The following HIRA variants were observed in gnomAD, a reference collection of about 807,000 sequenced individuals.
The protein encoded by HIRA is histone cell cycle regulator.
A neutral mutation model predicts 126.6 loss-of-function variants in HIRA; 13 were observed. The ratio of observed to expected loss-of-function variants is 0.10; its 90% CI spans 0.07 to 0.16. The LOEUF is 0.16. Ranked by LOEUF, HIRA falls within the 10% of genes least tolerant of loss-of-function variation. HIRA has a pLI of 1.00. For missense variants in HIRA, 834 were observed against 1,314.4 expected (o/e 0.63, Z 5.65); for synonymous variants, 511 against 520.0 (o/e 0.98, Z 0.24).
chr22:19,359,905 T>C (rs79839027), intron 17 of HIRA, among the ~76,000 whole-genome samples: 1 of 152,066 alleles, frequency 6.6e-6, no homozygotes, highest in Non-Finnish European at 1.5e-5. Flanking sequence ...TGGCAGTGTT[T>C]GGCAAGATTA....
Position 19,406,766 on chromosome 22 carries a change from C to T in HIRA, c.302+418G>A, listed in dbSNP as rs142810232. Among the ~76,000 whole-genome samples the T allele has an allele frequency of 5.2e-3, 785 of 152,252 alleles. 3 individuals carry two copies. Among genetic ancestry groups the T allele is most frequent in the Non-Finnish European group, 7.4e-3 (504 of 68,010 alleles). On this transcript the variant is annotated intron_variant, in intron 4 of 24. Coordinates refer to ENST00000263208, the MANE Select transcript of HIRA (RefSeq NM_003325.4). The stretch of plus-strand genomic sequence containing the variant: ...CTTTTGAGAGTAGAGCAGAGGCTGC[C>T]CCAGGTGGGGACCAACAGAGAATAA...
At chr22:19,409,319 T>C (rs943579045) in intron 2 of HIRA, among the ~76,000 whole-genome samples, 2 of 151,674 alleles carry the variant, frequency 1.3e-5, no homozygotes, top group Admixed American at 6.5e-5. Flanking sequence ...AGTCTCACTC[T>C]GTCTCCCAGG....
intron 14 of HIRA, among the ~76,000 whole-genome samples, 171 bp from the exon 15 acceptor site, chr22:19,375,963 G>T (rs1255482797): frequency 6.6e-6 from 1 of 152,122 alleles, no homozygotes. Flanking sequence ...ATTTTCATGT[G>T]TCAAAATTAT....
intron 10 of HIRA, 107 bp downstream of exon 10, chr22:19,388,377 G>T: frequency 1.2e-6 from 1 of 801,750 alleles, no homozygotes; most frequent in East Asian, 2.6e-5. Flanking sequence ...ATGACACCTG[G>T]GGAGGGGCCA....
At position 19,402,372 on chromosome 22, in the gene HIRA, T is replaced by C. The variant is rs370049787; in HGVS notation, c.397+3414A>G. The stretch of plus-strand genomic sequence containing the variant: ...CTTAAAACGTTTGTGATTTAAGTCT[T>C]ACAAAACTAATTCATTTCTTGGTAA... On this transcript the variant is annotated intron_variant, in intron 5 of 24. Transcript: ENST00000263208. Among the ~76,000 whole-genome samples the C allele has an allele frequency of 6.6e-5, 10 of 152,364 alleles. No homozygotes were observed. In the East Asian group the frequency reaches 1.3e-3, roughly 21 times the overall value.
chr22:19,422,988 G>A (rs890511453), intron 1 of HIRA, among the ~76,000 whole-genome samples: 1 of 152,116 alleles, frequency 6.6e-6, no homozygotes, highest in Non-Finnish European at 1.5e-5. Context: ...ACTCCCAGCA[G>A]GGCTGGCTGC....
intron 11 of HIRA, among the ~76,000 whole-genome samples, chr22:19,386,800 G>A (rs1234543530): frequency 6.6e-6 from 1 of 152,222 alleles, no homozygotes; most frequent in East Asian, 1.9e-4. Context: ...GGTTGGAGGA[G>A]GACCTGAGGC....
At chr22:19,340,104 T>C (rs180805578) in intron 24 of HIRA, among the ~76,000 whole-genome samples, 25 of 152,232 alleles carry the variant, frequency 1.6e-4, no homozygotes, top group Admixed American at 5.2e-4. Flanking sequence ...CTGGTGAACA[T>C]AGATGCAAAA....
At chr22:19,332,033 C>T (rs1395703907) in intron 24 of HIRA, among the ~76,000 whole-genome samples, 1 of 152,220 alleles carries the variant, frequency 6.6e-6, no homozygotes, top group African/African-American at 2.4e-5. Context: ...CCAGTATCCC[C>T]TGATGTGGAG....
intron 3 of HIRA, among the ~76,000 whole-genome samples, chr22:19,407,480 A>G (rs956375503): frequency 3.9e-5 from 6 of 152,240 alleles, no homozygotes; most frequent in Non-Finnish European, 8.8e-5. Context: ...AACAGTCTGG[A>G]GGGGGAAAAA....
In HIRA at chr22:19,387,704, A is replaced by G. The variant is rs1360267100; in HGVS notation, c.1113+7T>C. On this transcript the variant is annotated splice_region_variant and intron_variant, in intron 11 of 24. Coordinates refer to ENST00000263208, the MANE Select transcript of HIRA (RefSeq NM_003325.4). The stretch of plus-strand genomic sequence containing the variant: ...AGCACCCAGCAGCACAAGAGCCGTC[A>G]GCCTACCTTCTCCTCCTCGCTCAGG... The G allele has an allele frequency of 1.9e-6, 3 of 1,612,060 alleles. No homozygotes were observed. Among genetic ancestry groups the G allele is most frequent in the Non-Finnish European group, 2.5e-6 (3 of 1,178,660 alleles).
chr22:19,412,768 C>T (rs574250815), intron 1 of HIRA, among the ~76,000 whole-genome samples: 1 of 152,316 alleles, frequency 6.6e-6, no homozygotes, highest in South Asian at 2.1e-4. Context: ...ACAGCCCATG[C>T]GCTTTAGATC....
At chr22:19,405,258 G>T (rs1283067115) in intron 5 of HIRA, among the ~76,000 whole-genome samples, 1 of 152,198 alleles carries the variant, frequency 6.6e-6, no homozygotes, top group Non-Finnish European at 1.5e-5. Context: ...CCTAAGTCAA[G>T]TCTAAATTGC....
intron 21 of HIRA, among the ~76,000 whole-genome samples, chr22:19,355,540 C>G (rs1298035114): frequency 1.3e-5 from 2 of 152,188 alleles, no homozygotes; most frequent in Non-Finnish European, 2.9e-5. Context: ...TGCAGGAGGA[C>G]AGTGCTCCTG....
rs782042168 is a variant in HIRA, at chr22:19,349,431, T to C, written c.2937+1927A>G. 4.6e-5 allele frequency among the ~76,000 whole-genome samples: 7 copies of C among 152,092 alleles called. 1 individual carries two copies. Among genetic ancestry groups the C allele is most frequent in the Non-Finnish European group, 1.0e-4 (7 of 68,018 alleles). ...CAGCTGATTTTAAAAAGAGAGGATA[T>C]TACATCTCTCAGATGATGGGGAAAA... On this transcript the variant is annotated intron_variant, in intron 24 of 24. Transcript: ENST00000263208.
chr22:19,402,045 T>C (rs2089273170), intron 5 of HIRA, among the ~76,000 whole-genome samples: 1 of 151,344 alleles, frequency 6.6e-6, no homozygotes, highest in Admixed American at 6.6e-5. Context: ...GCACTGGCTG[T>C]CCCCTCACTG....
At chr22:19,395,511 A>C (rs1418212215) in intron 7 of HIRA, among the ~76,000 whole-genome samples, 1 of 152,204 alleles carries the variant, frequency 6.6e-6, no homozygotes, top group East Asian at 1.9e-4. Flanking sequence ...CCTTAGGGCA[A>C]GACTAAGTAA....
At chr22:19,354,835 A>C (rs1214963373) in intron 21 of HIRA, among the ~76,000 whole-genome samples, 1 of 151,994 alleles carries the variant, frequency 6.6e-6, no homozygotes, top group Non-Finnish European at 1.5e-5. Context: ...TAGTGTGATT[A>C]CAGCTCACTG....
chr22:19,367,307 A>C (rs911230614), intron 15 of HIRA, among the ~76,000 whole-genome samples: 2 of 152,058 alleles, frequency 1.3e-5, no homozygotes, highest in African/African-American at 4.8e-5. Context: ...AGGATGCTCA[A>C]GTCCCGTATA....
Sources: allele counts gnomAD v4.1 joint callset (sites outside exome capture counted in the v4.1 genomes callset), GRCh38; gene constraint gnomAD v4.1.1; transcripts MANE v1.5; gene names NCBI Gene and HGNC (gene_info 2026-07-23, HGNC 2026-07-21).